The following GNB5 variants were observed in gnomAD, a reference collection of about 807,000 sequenced individuals.
GNB5 encodes the protein guanine nucleotide-binding protein subunit beta-5.
A neutral mutation model predicts 55.3 loss-of-function variants in GNB5; 37 were observed. That is an observed-to-expected ratio of 0.67 (90% confidence interval 0.51 to 0.88). The LOEUF is 0.88. GNB5 is among the 40% of genes least tolerant of loss of function. The pLI is 0.00. For synonymous variants in GNB5, 219 were observed against 198.5 expected (o/e 1.10, Z -0.87); for missense variants, 476 against 515.3 (o/e 0.92, Z 0.74).
chr15:52,142,152 A>C (rs1249168437), intron 6 of GNB5, among the ~76,000 whole-genome samples: 1 of 152,178 alleles, frequency 6.6e-6, no homozygotes, highest in Non-Finnish European at 1.5e-5. Flanking sequence ...AAGGCTTGTA[A>C]TGTCTCTTCC....
intron 1 of GNB5, among the ~76,000 whole-genome samples, chr15:52,186,780 C>T (rs907187345): frequency 1.3e-5 from 2 of 152,154 alleles, no homozygotes; most frequent in Admixed American, 6.5e-5. Context: ...TGATGAGGAA[C>T]GTCTGCCATG....
chr15:52,173,966 G>A (rs538716204), intron 3 of GNB5, among the ~76,000 whole-genome samples: 59 of 152,288 alleles, frequency 3.9e-4, no homozygotes, highest in African/African-American at 1.1e-3. Flanking sequence ...ACTATCTTAC[G>A]GCAAAAGGGA....
chr15:52,164,691 C>T (rs1221593911), intron 3 of GNB5, among the ~76,000 whole-genome samples: 2 of 151,888 alleles, frequency 1.3e-5, no homozygotes, highest in African/African-American at 2.4e-5. Context: ...AAAGACTCCA[C>T]AAAAACCCCA....
At chr15:52,162,891 G>A (rs924960381) in intron 3 of GNB5, 2 of 152,202 alleles carry the variant, frequency 1.3e-5, no homozygotes, top group Non-Finnish European at 2.9e-5. Context: ...CACACAAGGC[G>A]GGCCAAGATG....
Position 52,124,619 on chromosome 15 carries a change from A to G in GNB5, c.1030T>C (p.Tyr344His), listed in dbSNP as rs148678293. The change falls in exon 12 of 13, where the codon TAC becomes CAC. Residue 344 changes from tyrosine to histidine, a missense_variant. Coordinates refer to ENST00000261837, the MANE Select transcript of GNB5 (RefSeq NM_016194.4). The part of the protein sequence containing the change: ...SLSGRLLFAG[Y>H]NDYTINVWDV... ...CAGACGTTGATAGTGTAATCATTGT[A>G]TCCAGCAAACAGCAGGCGACCTTGA... 57 of 1,614,012 alleles carry G rather than the reference A, an allele frequency of 3.5e-5. No individual in the cohort carries two copies. Among genetic ancestry groups the G allele is most frequent in the Non-Finnish European group, 4.8e-5 (57 of 1,179,934 alleles).
chr15:52,167,418 C>T (rs2034470379), intron 3 of GNB5, among the ~76,000 whole-genome samples: 1 of 152,098 alleles, frequency 6.6e-6, no homozygotes, highest in Non-Finnish European at 1.5e-5. Context: ...GTCTGTAATC[C>T]CAGCACTTTG....
chr15:52,147,462 C>T lies in GNB5; in HGVS notation c.491G>A (p.Cys164Tyr). 2 of 1,581,784 alleles carry T rather than the reference C, an allele frequency of 1.3e-6. No homozygotes were observed. The highest frequency in any genetic ancestry group is 1.7e-6 in the Non-Finnish European group (2 of 1,150,496). ...AGCTGCTGTAGCTCCAACTTACCCA[C>T]AAGCAATGGCACATCCCGATGGGGC... ...AYAPSGCAIACGGLDNKCSVY... is the reference protein window; with the variant it reads ...AYAPSGCAIAYGGLDNKCSVY... The change falls in exon 6 of 13, where the codon TGT becomes TAT. Residue 164 changes from cysteine to tyrosine, a missense_variant. Coordinates refer to ENST00000261837, the MANE Select transcript of GNB5 (RefSeq NM_016194.4).
chr15:52,156,467 C>G (rs776778007), intron 3 of GNB5, among the ~76,000 whole-genome samples: 2 of 152,244 alleles, frequency 1.3e-5, no homozygotes, highest in Non-Finnish European at 2.9e-5. Flanking sequence ...CACAGTGGCT[C>G]ACGCCTGTAA....
At position 52,119,033 on chromosome 15, in the gene GNB5, A is replaced by T. The variant is rs1219448887; in HGVS notation, c.*3724T>A. The T allele has an allele frequency of 8.0e-6, 1 of 124,774 alleles. No homozygotes were observed. Among genetic ancestry groups the T allele is most frequent in the Non-Finnish European group, 1.6e-5 (1 of 63,676 alleles). 7.7% of individuals were successfully genotyped at this position (124,774 alleles called of 1,614,324 possible). On this transcript the variant is annotated 3_prime_UTR_variant, in exon 13 of 13. Coordinates refer to ENST00000261837, the MANE Select transcript of GNB5 (RefSeq NM_016194.4). ...TGGGGAGAAAAGAAAGAGCTGGGGG[A>T]AGGGGAATGGGGAGGAGATGGGGAG...
intron 11 of GNB5, 43 bp downstream of exon 11, chr15:52,125,905 C>T: frequency 2.5e-6 from 2 of 802,814 alleles, no homozygotes; most frequent in Non-Finnish European, 2.2e-6. Context: ...CATTCTGGTC[C>T]TGTCTTACAG....
chr15:52,174,361 G>A (rs2034608413), intron 3 of GNB5, among the ~76,000 whole-genome samples: 1 of 152,194 alleles, frequency 6.6e-6, no homozygotes, highest in Admixed American at 6.5e-5. Flanking sequence ...ATTCTAAAAT[G>A]CCTTGGAATC....
chr15:52,126,019 T>C lies in GNB5; in HGVS notation c.938A>G (p.Asp313Gly), dbSNP rs1460621395. The C allele has an allele frequency of 6.3e-7, 1 of 1,583,854 alleles. No individual in the cohort carries two copies. Among genetic ancestry groups the C allele is most frequent in the East Asian group, 2.2e-5 (1 of 44,754 alleles). The change falls in exon 11 of 13, where the codon GAT becomes GGT. Residue 313 changes from aspartate to glycine, a missense_variant. Transcript: ENST00000261837. ...TTTGGAATAGATGGCAACCTCCCTA[T>C]CTGCCCGCAGGTCATAGAGGCGACA... ...ATCRLYDLRA[D>G]REVAIYSKES...
intron 7 of GNB5, chr15:52,139,969 T>G: frequency 1.6e-6 from 2 of 1,274,158 alleles, no homozygotes; most frequent in Non-Finnish European, 2.0e-6. Flanking sequence ...TTGGTTTGCC[T>G]CAGGCCCAAA....
intron 9 of GNB5, among the ~76,000 whole-genome samples, chr15:52,129,238 G>C (rs567325994): frequency 1.3e-5 from 2 of 152,164 alleles, no homozygotes; most frequent in East Asian, 3.8e-4. Context: ...TTACAGGCGT[G>C]AGTCACCGCA....
At chr15:52,155,817 C>T (rs774021312) in intron 3 of GNB5, among the ~76,000 whole-genome samples, 12 of 152,168 alleles carry the variant, frequency 7.9e-5, no homozygotes, top group Non-Finnish European at 1.5e-4. Flanking sequence ...GTGGGGTCAC[C>T]GGGGATCATC....
chr15:52,158,031 T>C (rs1013653828), intron 3 of GNB5, among the ~76,000 whole-genome samples: 1 of 152,052 alleles, frequency 6.6e-6, no homozygotes, highest in African/African-American at 2.4e-5. Context: ...TTTTTTTTAA[T>C]GGTGAATATA....
At chr15:52,146,178 C>T (rs888656051) in intron 6 of GNB5, among the ~76,000 whole-genome samples, 4 of 151,998 alleles carry the variant, frequency 2.6e-5, no homozygotes, top group Admixed American at 6.6e-5. Flanking sequence ...AGAATGGTCT[C>T]GATCTCCTGA....
chr15:52,177,312 C>T (rs2034671221), intron 3 of GNB5, among the ~76,000 whole-genome samples: 1 of 151,638 alleles, frequency 6.6e-6, no homozygotes, highest in African/African-American at 2.4e-5. Flanking sequence ...GGATTACAGG[C>T]GTGAGCCACC....
intron 6 of GNB5, among the ~76,000 whole-genome samples, chr15:52,142,336 C>T (rs1159545210): frequency 1.3e-5 from 2 of 152,148 alleles, no homozygotes; most frequent in African/African-American, 4.8e-5. Context: ...ATTATCCTTG[C>T]TTGAATCAGA....
Sources: gnomAD v4.1 joint callset for allele counts (sites outside exome capture counted in the v4.1 genomes callset) on GRCh38, gnomAD v4.1.1 for gene constraint, MANE v1.5 for transcripts, NCBI Gene and HGNC (gene_info 2026-07-23, HGNC 2026-07-21) for gene names.